TMCO5A: variants seen among roughly 807,000 people sequenced by gnomAD.
TMCO5A encodes transmembrane and coiled-coil domain-containing protein 5A.
Under a neutral mutation model 42.3 loss-of-function variants are expected in TMCO5A, and 34 were observed. The ratio of observed to expected loss-of-function variants is 0.80; its 90% CI spans 0.61 to 1.07. The LOEUF (loss-of-function observed/expected upper bound fraction) is 1.07. Ranked by LOEUF, TMCO5A falls within the 50% of genes least tolerant of loss-of-function variation. TMCO5A has a pLI of 0.00. For synonymous variants in TMCO5A, 131 were observed against 115.6 expected, an observed-to-expected ratio of 1.13 and a Z score of -0.86; for missense variants, 357 against 327.9, an observed-to-expected ratio of 1.09 and a Z score of -0.69.
chr15:37,972,806 G>C, the TMCO5A span, among the ~76,000 whole-genome samples: 1 of 152,068 alleles, frequency 6.6e-6, no homozygotes, highest in East Asian at 1.9e-4. Flanking sequence ...ACAATTTTTG[G>C]GTTTTGTTGC....
In TMCO5A at chr15:37,942,232, G is replaced by C. The variant is rs1407509390; in HGVS notation, c.546G>C (p.Glu182Asp). The C allele has an allele frequency of 2.5e-6, 4 of 1,612,906 alleles. No homozygotes were observed. ...TGAAGAAAATAGAAGAAGAACTAGAGGCTCTGTTCCTTGAGAGAGAAGTGT... is the reference window on the plus strand; with the variant it reads ...TGAAGAAAATAGAAGAAGAACTAGACGCTCTGTTCCTTGAGAGAGAAGTGT... ...ETLKKIEEEL[E>D]ALFLEREVSK... is the part of the protein sequence containing the mutation. Residue 182 changes from glutamate (E) to aspartate (D), a missense_variant, in exon 9 of 12, where the codon GAG becomes GAC. Coordinates refer to ENST00000319669, the MANE Select transcript of TMCO5A (RefSeq NM_152453.4).
In TMCO5A at chr15:37,947,064, G is replaced by A. The variant is rs563996610; in HGVS notation, c.628-592G>A. Among the ~76,000 whole-genome samples, 21 of 152,110 alleles carry A rather than the reference G, an allele frequency of 1.4e-4. No individual in the cohort carries two copies. The South Asian group carries it at 3.9e-3, about 29-fold the overall frequency. On this transcript the variant is annotated intron_variant, in intron 10 of 11. Transcript: ENST00000319669. ...TTTATTGAGAGTTTTTAAAATTAAG[G>A]GATGTTGAATTTTATCAGAGGCCTT...
At chr15:37,962,596 T>C (rs572622743) in intron 11 of TMCO5A, among the ~76,000 whole-genome samples, 1 of 152,086 alleles carries the variant, frequency 6.6e-6, no homozygotes, top group Non-Finnish European at 1.5e-5. Context: ...TCTTGTGGAA[T>C]AGTGTCAAAA....
chr15:37,997,126 T>C, the TMCO5A span, among the ~76,000 whole-genome samples: 1 of 152,066 alleles, frequency 6.6e-6, no homozygotes, highest in Admixed American at 6.6e-5. Flanking sequence ...AGTTTGACAG[T>C]CATAAGTTCT....
chr15:38,035,240 T>C, the TMCO5A span, among the ~76,000 whole-genome samples: 1 of 152,220 alleles, frequency 6.6e-6, no homozygotes, highest in Admixed American at 6.5e-5. Flanking sequence ...ATATAACATT[T>C]TATTCAGCTA....
In TMCO5A at chr15:37,941,129, G is replaced by C. The variant is rs781103613; in HGVS notation, c.388-20G>C. ...CAGCTTTTACCTTGCCAAGTTAGCA[G>C]TCTCTTTTGCTTTCTTTAGGTTAAG... On this transcript the variant is annotated intron_variant, in intron 6 of 11. Transcript: ENST00000319669. 8 of 1,612,574 alleles carry C rather than the reference G, an allele frequency of 5.0e-6. No individual in the cohort carries two copies. The highest frequency in any genetic ancestry group is 6.8e-6 in the Non-Finnish European group (8 of 1,179,218).
At chr15:37,957,397 AG>A (rs1187730488) in intron 11 of TMCO5A, among the ~76,000 whole-genome samples, 1 of 152,242 alleles carries the variant, frequency 6.6e-6, no homozygotes, top group Non-Finnish European at 1.5e-5. Flanking sequence ...GCAAAGTCTC[AG>A]GATACAAAAT....
At chr15:38,015,605 A>T in the TMCO5A span, among the ~76,000 whole-genome samples, 23 of 152,320 alleles carry the variant, frequency 1.5e-4, no homozygotes, top group East Asian at 3.7e-3. Context: ...TTTCACAAAG[A>T]TGTTTGTCAC....
At position 37,937,332 on chromosome 15, in the gene TMCO5A, T is replaced by C. The variant is rs775777881; in HGVS notation, c.265-14T>C. The C allele has an allele frequency of 6.2e-7, 1 of 1,612,910 alleles. No homozygotes were observed. The highest frequency in any genetic ancestry group is 1.1e-5 in the South Asian group (1 of 91,046). On this transcript the variant is annotated splice_polypyrimidine_tract_variant and intron_variant, in intron 4 of 11. Coordinates refer to ENST00000319669, the MANE Select transcript of TMCO5A (RefSeq NM_152453.4). ...GTACAGAGGCAGATTTACACTGTTATTTCTCTCTCACAGGAAAGGAAGAAT... is the reference window on the plus strand; with the variant it reads ...GTACAGAGGCAGATTTACACTGTTACTTCTCTCTCACAGGAAAGGAAGAAT...
At chr15:38,012,366 C>A in the TMCO5A span, among the ~76,000 whole-genome samples, 2 of 152,130 alleles carry the variant, frequency 1.3e-5, no homozygotes, top group South Asian at 4.1e-4. Flanking sequence ...CCACTCAAAT[C>A]AAATATTATC....
the TMCO5A span, among the ~76,000 whole-genome samples, chr15:38,015,385 C>T: frequency 2.0e-5 from 3 of 152,128 alleles, no homozygotes; most frequent in Non-Finnish European, 4.4e-5. Flanking sequence ...ATTGCCAAAA[C>T]TCAAAACACT....
At chr15:38,020,278 C>G in the TMCO5A span, 1 of 151,886 alleles carries the variant, frequency 6.6e-6, no homozygotes, top group African/African-American at 2.4e-5. Context: ...AAATTTCAAT[C>G]AAAACACAGG....
At chr15:38,019,728 C>T in the TMCO5A span, among the ~76,000 whole-genome samples, 2 of 152,166 alleles carry the variant, frequency 1.3e-5, no homozygotes, top group South Asian at 4.2e-4. Context: ...TCACCTCACC[C>T]TCCTGAGTAG....
At chr15:37,992,702 T>C in the TMCO5A span, among the ~76,000 whole-genome samples, 1 of 152,206 alleles carries the variant, frequency 6.6e-6, no homozygotes, top group Non-Finnish European at 1.5e-5. Context: ...TGAAGGAACA[T>C]GGATGGAGTT....
the TMCO5A span, among the ~76,000 whole-genome samples, chr15:38,035,366 C>A: frequency 6.6e-6 from 1 of 152,182 alleles, no homozygotes; most frequent in Non-Finnish European, 1.5e-5. Context: ...TATGCCTAAA[C>A]TATAAGCAGA....
At chr15:37,997,970 AT>A in the TMCO5A span, among the ~76,000 whole-genome samples, 1 of 152,142 alleles carries the variant, frequency 6.6e-6, no homozygotes, top group African/African-American at 2.4e-5. Context: ...GTGCCTTTTC[AT>A]ATGCCTGCTT....
chr15:37,993,402 ACTGT>A, the TMCO5A span: 2 of 151,120 alleles, frequency 1.3e-5, no homozygotes, highest in Non-Finnish European at 1.5e-5. Context: ...ATTGTTATAG[ACTGT>A]CTGCGAGGGA....
At chr15:37,991,593 T>C in the TMCO5A span, among the ~76,000 whole-genome samples, 1 of 152,160 alleles carries the variant, frequency 6.6e-6, no homozygotes, top group Admixed American at 6.6e-5. Context: ...GGTCTGATGG[T>C]GTCCCACAGA....
At chr15:38,008,320 C>T in the TMCO5A span, among the ~76,000 whole-genome samples, 9 of 152,046 alleles carry the variant, frequency 5.9e-5, no homozygotes, top group Non-Finnish European at 1.0e-4. Flanking sequence ...CTAGAAATAC[C>T]GACCGTGGTA....
Sources: allele counts gnomAD v4.1 joint callset (sites outside exome capture counted in the v4.1 genomes callset), GRCh38; gene constraint gnomAD v4.1.1; transcripts MANE v1.5; gene names NCBI Gene and HGNC (gene_info 2026-07-23, HGNC 2026-07-21).